Variants in SEPTIN9 observed in about 807,000 individuals in gnomAD.
SEPTIN9 encodes the protein septin-9.
A neutral mutation model predicts 56.6 loss-of-function variants in SEPTIN9; 13 were observed. The observed-to-expected ratio is 0.23, with a 90% CI of 0.15 to 0.37. SEPTIN9 has a LOEUF of 0.37. Among genes scored for constraint, SEPTIN9 ranks in the 10% least tolerant of loss-of-function variants. The pLI is 1.00. For synonymous variants in SEPTIN9, 332 were observed against 334.1 expected (o/e 0.99, Z 0.07); for missense variants, 650 against 823.1 (o/e 0.79, Z 2.57).
At position 77,326,691 on chromosome 17, in the gene SEPTIN9, T is replaced by G. The variant is rs972853563; in HGVS notation, c.76+19494T>G. The stretch of plus-strand genomic sequence containing the variant: ...TTGGAATCTCCAAAGTGATGTCTTT[T>G]TGGATGCTCATGATTGACAGACCAG... On this transcript the variant is annotated intron_variant, in intron 2 of 11. Transcript: ENST00000427177. This position sits in a 1 kb window ranked among gnomAD's most constrained non-coding sequence, Gnocchi z 5.1. Among the ~76,000 whole-genome samples the G allele has an allele frequency of 1.3e-5, 2 of 152,188 alleles. No homozygotes were observed. The highest frequency in any genetic ancestry group is 2.9e-5 in the Non-Finnish European group (2 of 68,036).
intron 3 of SEPTIN9, among the ~76,000 whole-genome samples, chr17:77,459,078 G>A (rs1004232500): frequency 1.6e-4 from 24 of 152,298 alleles, no homozygotes; most frequent in Admixed American, 1.2e-3. Context: ...CCCACACGTG[G>A]CACCACCAGC....
At chr17:77,322,308 C>CACTCTGA (rs1021996541) in intron 2 of SEPTIN9, among the ~76,000 whole-genome samples, 1 of 152,204 alleles carries the variant, frequency 6.6e-6, no homozygotes, top group African/African-American at 2.4e-5. Flanking sequence ...CCCCAGAGAC[C>CACTCTGA]ACTCTGATCC....
At chr17:77,341,962 A>G (rs2033745088) in intron 2 of SEPTIN9, among the ~76,000 whole-genome samples, 1 of 151,500 alleles carries the variant, frequency 6.6e-6, no homozygotes, top group African/African-American at 2.4e-5. Flanking sequence ...GGGTGCCTGT[A>G]GTCCCAGCTA....
intron 1 of SEPTIN9, among the ~76,000 whole-genome samples, chr17:77,304,407 C>T (rs2032180621): frequency 6.6e-6 from 1 of 152,194 alleles, no homozygotes; most frequent in African/African-American, 2.4e-5. Context: ...CTGTTTTCCC[C>T]ACCGTTTCTC....
At chr17:77,297,638 C>T (rs1367345829) in intron 1 of SEPTIN9, among the ~76,000 whole-genome samples, 2 of 152,158 alleles carry the variant, frequency 1.3e-5, no homozygotes, top group Admixed American at 6.5e-5. Flanking sequence ...TCCTTCCAGT[C>T]GTTCATTCTT....
At chr17:77,294,531 T>G (rs962795973) in intron 1 of SEPTIN9, 1 of 170,786 alleles carries the variant, frequency 5.9e-6, no homozygotes, top group Non-Finnish European at 1.3e-5. Context: ...GAGTTGGTGG[T>G]GCTGCTACAA....
At chr17:77,373,484 G>C in intron 2 of SEPTIN9, 1 of 1,530,700 alleles carries the variant, frequency 6.5e-7, no homozygotes, top group Non-Finnish European at 8.8e-7. Context: ...GCGACCCGCT[G>C]CCCACCAGCC....
intron 3 of SEPTIN9, among the ~76,000 whole-genome samples, chr17:77,403,431 C>T (rs1263749009): frequency 6.6e-6 from 1 of 152,222 alleles, no homozygotes; most frequent in African/African-American, 2.4e-5. Flanking sequence ...GGGGCTCCAG[C>T]AGCGTCCTGG....
At chr17:77,479,352 T>A (rs967444699) in intron 3 of SEPTIN9, among the ~76,000 whole-genome samples, 1 of 152,150 alleles carries the variant, frequency 6.6e-6, no homozygotes, top group Non-Finnish European at 1.5e-5. Context: ...TTTTCCCACT[T>A]GGGAGTCCTG....
At position 77,437,850 on chromosome 17, in the gene SEPTIN9, C is replaced by T. The variant is rs575380611; in HGVS notation, c.721+35147C>T. On this transcript the variant is annotated intron_variant, in intron 3 of 11. Transcript: ENST00000427177. The surrounding 1 kb of genome is among the most constrained non-coding windows in gnomAD (Gnocchi z 5.3). ...CCCTGTAAGAAAGTCAGGTGCCTCC[C>T]GAAGCTTCTCCCTGGCCCCAGGCCA... Among the ~76,000 whole-genome samples the T allele has an allele frequency of 1.6e-4, 25 of 152,210 alleles. No individual in the cohort carries two copies. Among genetic ancestry groups the T allele is most frequent in the Non-Finnish European group, 3.2e-4 (22 of 68,036 alleles).
At chr17:77,419,473 C>T (rs796865058) in intron 3 of SEPTIN9, among the ~76,000 whole-genome samples, 1 of 151,706 alleles carries the variant, frequency 6.6e-6, no homozygotes, top group African/African-American at 2.4e-5. Flanking sequence ...GAAGAGGGGC[C>T]GTAATCAGCA....
chr17:77,486,535 C>CGCGCGCGCAT (rs1343890844), intron 4 of SEPTIN9, among the ~76,000 whole-genome samples: 2 of 120,302 alleles, frequency 1.7e-5, no homozygotes, highest in African/African-American at 7.6e-5. Context: ...CGCACGCGCG[C>CGCGCGCGCAT]GCGTGTTATA....
chr17:77,337,527 G>A (rs1038632012), intron 2 of SEPTIN9, among the ~76,000 whole-genome samples: 2 of 152,018 alleles, frequency 1.3e-5, no homozygotes, highest in African/African-American at 4.8e-5. Flanking sequence ...AATTAGTTTG[G>A]AAGTGTTCCC....
At chr17:77,337,149 T>C (rs1568000706) in intron 2 of SEPTIN9, among the ~76,000 whole-genome samples, 1 of 152,004 alleles carries the variant, frequency 6.6e-6, no homozygotes, top group Non-Finnish European at 1.5e-5. Flanking sequence ...TATAGGCACA[T>C]GCCACCATGC....
Position 77,405,036 on chromosome 17 carries a change from G to T in SEPTIN9, c.721+2333G>T, listed in dbSNP as rs1421633729. 9 of 1,525,826 alleles carry T rather than the reference G, an allele frequency of 5.9e-6. No homozygotes were observed. Among genetic ancestry groups the T allele is most frequent in the Non-Finnish European group, 7.9e-6 (9 of 1,139,876 alleles). The allele number at this position is 1,525,826 out of a possible 1,614,324, so 94.5% of individuals were successfully genotyped here. On this transcript the variant is annotated intron_variant, in intron 3 of 11. Coordinates refer to ENST00000427177, the MANE Select transcript of SEPTIN9 (RefSeq NM_001113491.2). This position sits in a 1 kb window ranked among gnomAD's most constrained non-coding sequence, Gnocchi z 5.8. ...GGTTGATGTGTTCACACTCAGCTGA[G>T]TCAAACAGGATGTGGCTGGGGAGGC...
At chr17:77,332,827 C>T (rs945795843) in intron 2 of SEPTIN9, among the ~76,000 whole-genome samples, 1 of 152,162 alleles carries the variant, frequency 6.6e-6, no homozygotes, top group African/African-American at 2.4e-5. Flanking sequence ...TGCTGAGTAA[C>T]GTCCACTGTG....
rs564761402 is a variant in SEPTIN9, at chr17:77,456,008, G to C, written c.722-26136G>C. Among the ~76,000 whole-genome samples the C allele has an allele frequency of 2.2e-3, 331 of 152,298 alleles. 2 individuals carry two copies. Among genetic ancestry groups the C allele is most frequent in the African/African-American group, 7.3e-3 (304 of 41,564 alleles). ...ACTGCCCTGGAAGATTCCCGGCACC[G>C]CTTCCCATGCGCCACGTGACTAGGA... On this transcript the variant is annotated intron_variant, in intron 3 of 11. Transcript: ENST00000427177. The surrounding 1 kb of genome is among the most constrained non-coding windows in gnomAD (Gnocchi z 6.0).
At chr17:77,409,850 C>CA (rs2036231324) in intron 3 of SEPTIN9, among the ~76,000 whole-genome samples, 1 of 152,226 alleles carries the variant, frequency 6.6e-6, no homozygotes, top group African/African-American at 2.4e-5. Context: ...GGAGCGCACT[C>CA]AGACTCCCCG....
intron 1 of SEPTIN9, among the ~76,000 whole-genome samples, chr17:77,288,850 G>A (rs1188025558): frequency 6.6e-6 from 1 of 152,186 alleles, no homozygotes; most frequent in African/African-American, 2.4e-5. Flanking sequence ...ACACCATGGA[G>A]GCACCGGTAG....
Sources: gnomAD v4.1 joint callset for allele counts (sites outside exome capture counted in the v4.1 genomes callset) on GRCh38, gnomAD v4.1.1 for gene constraint, Gnocchi (gnomAD v3.1) non-coding constraint, MANE v1.5 for transcripts, NCBI Gene and HGNC (gene_info 2026-07-23, HGNC 2026-07-21) for gene names.